The following ZNF385D variants were observed in gnomAD, a reference collection of about 807,000 sequenced individuals.
The protein encoded by ZNF385D is zinc finger protein 385D, also known as zinc finger protein 659.
ZNF385D carries 15 observed loss-of-function variants against 35.8 expected under a neutral mutation model. The observed-to-expected ratio is 0.42, with a 90% CI of 0.28 to 0.64. The LOEUF is 0.64. ZNF385D is among the 30% of genes least tolerant of loss of function. ZNF385D has a pLI of 0.23. For missense variants in ZNF385D, 474 were observed against 494.6 expected, an observed-to-expected ratio of 0.96 and a Z score of 0.39; for synonymous variants, 212 against 186.8, an observed-to-expected ratio of 1.13 and a Z score of -1.10.
At chr3:21,915,522 A>C (rs1173174926) in intron 3 of ZNF385D, among the ~76,000 whole-genome samples, 1 of 152,144 alleles carries the variant, frequency 6.6e-6, no homozygotes, top group East Asian at 1.9e-4. Flanking sequence ...AAAATAAGTA[A>C]ATGTGTTTCT....
intron 2 of ZNF385D, among the ~76,000 whole-genome samples, chr3:22,294,032 G>T (rs1278674119): frequency 7.0e-6 from 1 of 143,328 alleles, no homozygotes; most frequent in Non-Finnish European, 1.5e-5. Flanking sequence ...ATTTACTGAT[G>T]CTTTTTTTTT....
chr3:21,636,583 G>A (rs111404120), intron 2 of ZNF385D, among the ~76,000 whole-genome samples: 3,113 of 151,382 alleles, frequency 0.021, 112 homozygotes, highest in African/African-American at 0.071. Flanking sequence ...AGCCTGGGAG[G>A]TTAAGCCAGT....
chr3:21,511,014 C>T lies in ZNF385D; in HGVS notation c.286G>A (p.Ala96Thr). Residue 96 changes from alanine to threonine, a missense_variant, in exon 4 of 8, where the codon GCG (alanine) becomes ACG (threonine). Physicochemically the swap from Ala to Thr is moderately conservative, Grantham distance 58. Transcript: ENST00000281523. The part of the protein sequence containing the change: ...QLRFNSDSQA[A>T]AHYKGTKHAK... ...TGTTTCGTGCCTTTGTAGTGGGCCG[C>T]AGCCTGGCTCTACAAAGGAGAACAA... 6.2e-7 allele frequency: 1 copy of T among 1,614,012 alleles called. No homozygotes were observed. Among genetic ancestry groups the T allele is most frequent in the Non-Finnish European group, 8.5e-7 (1 of 1,179,950 alleles).
At chr3:22,349,406 G>C (rs1695814433) in intron 2 of ZNF385D, among the ~76,000 whole-genome samples, 1 of 152,182 alleles carries the variant, frequency 6.6e-6, no homozygotes, top group South Asian at 2.1e-4. Flanking sequence ...TGTGGAGGTA[G>C]TTGTTTTGAG....
intron 3 of ZNF385D, among the ~76,000 whole-genome samples, chr3:22,077,813 T>G (rs1191158306): frequency 1.3e-5 from 2 of 151,898 alleles, no homozygotes; most frequent in African/African-American, 2.4e-5. Flanking sequence ...AAAGCATCAT[T>G]TTAAGTAATA....
chr3:21,983,663 C>A (rs1694639932), intron 3 of ZNF385D, among the ~76,000 whole-genome samples: 1 of 96,612 alleles, frequency 1.0e-5, no homozygotes, highest in South Asian at 4.4e-4. Context: ...GATTTATAGT[C>A]ATTTGGGTAT....
At chr3:22,214,145 CTTAAA>C (rs1697702541) in intron 2 of ZNF385D, among the ~76,000 whole-genome samples, 1 of 152,022 alleles carries the variant, frequency 6.6e-6, no homozygotes, top group East Asian at 1.9e-4. Context: ...TTATTAGTTC[CTTAAA>C]TTAATACTTT....
chr3:21,491,215 G>T (rs1033802371), intron 4 of ZNF385D, among the ~76,000 whole-genome samples: 1 of 139,082 alleles, frequency 7.2e-6, no homozygotes, highest in Non-Finnish European at 1.6e-5. Context: ...AGATAAAGGG[G>T]TTTTTTTTTT....
intron 3 of ZNF385D, among the ~76,000 whole-genome samples, chr3:21,957,437 G>A (rs1702351142): frequency 6.6e-6 from 1 of 152,106 alleles, no homozygotes; most frequent in African/African-American, 2.4e-5. Context: ...CTTGTTGAAT[G>A]GCTTTGACTA....
At chr3:22,307,934 A>G (rs1703325770) in intron 2 of ZNF385D, among the ~76,000 whole-genome samples, 1 of 152,098 alleles carries the variant, frequency 6.6e-6, no homozygotes, top group Non-Finnish European at 1.5e-5. Context: ...GCACTTTAAA[A>G]TCAAAGTTAA....
At chr3:21,631,530 C>T (rs138153311) in intron 2 of ZNF385D, among the ~76,000 whole-genome samples, 1 of 152,192 alleles carries the variant, frequency 6.6e-6, no homozygotes, top group East Asian at 1.9e-4. Flanking sequence ...CCATAGATAA[C>T]ATTTTCTTCT....
chr3:22,270,966 T>C (rs1272098879), intron 2 of ZNF385D, among the ~76,000 whole-genome samples: 1 of 151,990 alleles, frequency 6.6e-6, no homozygotes, highest in Non-Finnish European at 1.5e-5. Flanking sequence ...TTGCTGCTTC[T>C]GCCTCTTGAG....
intron 2 of ZNF385D, among the ~76,000 whole-genome samples, chr3:22,294,640 C>G (rs1702473330): frequency 6.6e-6 from 1 of 151,002 alleles, no homozygotes; most frequent in Non-Finnish European, 1.5e-5. Flanking sequence ...GATTTGAATC[C>G]TGGTGCTGAT....
At chr3:21,547,672 A>AG (rs552636702) in intron 3 of ZNF385D, among the ~76,000 whole-genome samples, 213 of 150,702 alleles carry the variant, frequency 1.4e-3, no homozygotes, top group Middle Eastern at 3.4e-3. Flanking sequence ...GCTGGAGTGC[A>AG]GTGGCATGAT....
At chr3:21,721,699 A>G (rs1434937453) in intron 1 of ZNF385D, among the ~76,000 whole-genome samples, 1 of 152,182 alleles carries the variant, frequency 6.6e-6, no homozygotes, top group East Asian at 1.9e-4. Context: ...GAAAAGATGC[A>G]TTTATAAATC....
intron 3 of ZNF385D, among the ~76,000 whole-genome samples, chr3:21,825,444 A>G (rs1044792458): frequency 1.3e-5 from 2 of 152,130 alleles, no homozygotes; most frequent in African/African-American, 4.8e-5. Flanking sequence ...AGATTATAAA[A>G]CTAAAATTGG....
intron 2 of ZNF385D, among the ~76,000 whole-genome samples, chr3:22,355,654 T>G (rs2125503361): frequency 6.6e-6 from 1 of 151,956 alleles, no homozygotes. Flanking sequence ...GAAAAGATCC[T>G]CTGTTAAAAA....
At chr3:22,200,212 T>A (rs1353812633) in intron 2 of ZNF385D, among the ~76,000 whole-genome samples, 1 of 152,104 alleles carries the variant, frequency 6.6e-6, no homozygotes, top group Admixed American at 6.6e-5. Flanking sequence ...TAAACTTTCA[T>A]CCTGGCAAGA....
At chr3:21,986,594 G>A (rs1694816853) in intron 3 of ZNF385D, among the ~76,000 whole-genome samples, 2 of 148,854 alleles carry the variant, frequency 1.3e-5, no homozygotes, top group South Asian at 4.2e-4. Context: ...CCAACCATGT[G>A]GTCAATTTTG....
Sources: gnomAD v4.1 joint callset for allele counts (sites outside exome capture counted in the v4.1 genomes callset) on GRCh38, gnomAD v4.1.1 for gene constraint, MANE v1.5 for transcripts, NCBI Gene and HGNC (gene_info 2026-07-23, HGNC 2026-07-21) for gene names.